Variants in NALF1 observed in about 807,000 individuals in gnomAD.
The protein encoded by NALF1 is family with sequence similarity 155 member A.
A neutral mutation model predicts 48.4 loss-of-function variants in NALF1; 3 were observed. The ratio of observed to expected loss-of-function variants is 0.06; its 90% CI spans 0.03 to 0.16. The LOEUF (loss-of-function observed/expected upper bound fraction) is 0.16. Among genes scored for constraint, NALF1 ranks in the 10% least tolerant of loss-of-function variants. NALF1 has a pLI of 1.00. For missense variants in NALF1, 526 were observed against 571.5 expected, an observed-to-expected ratio of 0.92 and a Z score of 0.81; for synonymous variants, 262 against 245.7, an observed-to-expected ratio of 1.07 and a Z score of -0.62.
intron 1 of NALF1, among the ~76,000 whole-genome samples, chr13:107,319,933 C>A: frequency 6.6e-6 from 1 of 152,064 alleles, no homozygotes; most frequent in East Asian, 1.9e-4. Flanking sequence ...ATGGAATGAC[C>A]ACAAGGCCAA....
intron 1 of NALF1, among the ~76,000 whole-genome samples, chr13:107,658,647 T>A (rs984946310): frequency 1.3e-5 from 2 of 152,210 alleles, no homozygotes; most frequent in East Asian, 3.9e-4. Flanking sequence ...AAAACTCAAA[T>A]CCCAAATTTT....
intron 1 of NALF1, among the ~76,000 whole-genome samples, chr13:107,858,825 T>C (rs917129572): frequency 6.6e-5 from 10 of 152,340 alleles, no homozygotes; most frequent in African/African-American, 2.2e-4. Context: ...ATTAGAATAG[T>C]TTCTGACATC....
intron 2 of NALF1, among the ~76,000 whole-genome samples, chr13:107,171,356 T>C (rs950661350): frequency 6.6e-5 from 10 of 152,212 alleles, no homozygotes; most frequent in Non-Finnish European, 1.5e-4. Context: ...ACATTTCTCT[T>C]ATTTTTCTCC....
chr13:107,433,773 G>A (rs1457613981), intron 1 of NALF1, among the ~76,000 whole-genome samples: 1 of 151,982 alleles, frequency 6.6e-6, no homozygotes, highest in Non-Finnish European at 1.5e-5. Context: ...GATTTCCCTA[G>A]AGATCATTTT....
intron 1 of NALF1, among the ~76,000 whole-genome samples, chr13:107,862,551 G>A (rs990522369): frequency 1.1e-4 from 16 of 151,742 alleles, no homozygotes; most frequent in African/African-American, 1.7e-4. Flanking sequence ...TCAACATCTC[G>A]TGTTCTTTAT....
chr13:107,796,157 A>C (rs956746236), intron 1 of NALF1, among the ~76,000 whole-genome samples: 1 of 152,032 alleles, frequency 6.6e-6, no homozygotes, highest in African/African-American at 2.4e-5. Flanking sequence ...ATCCCCCTTA[A>C]ATATATTTCC....
chr13:107,497,833 T>A (rs760771213), intron 1 of NALF1, among the ~76,000 whole-genome samples: 2 of 152,166 alleles, frequency 1.3e-5, no homozygotes, highest in African/African-American at 2.4e-5. Flanking sequence ...AATAACTAAA[T>A]ATGTTTTTGC....
intron 1 of NALF1, among the ~76,000 whole-genome samples, chr13:107,356,924 G>C (rs1280220804): frequency 6.6e-6 from 1 of 152,166 alleles, no homozygotes; most frequent in Non-Finnish European, 1.5e-5. Context: ...AAAGTTTACT[G>C]TTTCTGCTTT....
intron 1 of NALF1, among the ~76,000 whole-genome samples, chr13:107,391,579 T>TA (rs1883627784): frequency 6.6e-6 from 1 of 152,182 alleles, no homozygotes; most frequent in African/African-American, 2.4e-5. Flanking sequence ...AAGAAACACT[T>TA]ACAACCCTCT....
intron 1 of NALF1, among the ~76,000 whole-genome samples, chr13:107,608,227 T>C (rs1436876874): frequency 6.6e-6 from 1 of 152,154 alleles, no homozygotes; most frequent in East Asian, 1.9e-4. Flanking sequence ...ATCATGCCGT[T>C]GGGATCCAGA....
intron 1 of NALF1, among the ~76,000 whole-genome samples, chr13:107,863,325 C>A (rs1880627116): frequency 6.6e-6 from 1 of 152,014 alleles, no homozygotes; most frequent in Non-Finnish European, 1.5e-5. Context: ...TTTTCAGAAT[C>A]AAAGAGAAAA....
chr13:107,271,793 TA>T lies in NALF1; in HGVS notation c.916-61039del, dbSNP rs1393852291. On this transcript the variant is annotated intron_variant, in intron 1 of 2. Coordinates refer to ENST00000375915, the MANE Select transcript of NALF1 (RefSeq NM_001080396.3). The stretch of plus-strand genomic sequence containing the variant: ...ACTGGACTATATATATATATATATA[TA>T]TATATATATATATATATATATATTT... Among the ~76,000 whole-genome samples, 175 of 126,326 alleles carry T rather than the reference TA, an allele frequency of 1.4e-3. 3 individuals are homozygous for T. The highest frequency in any genetic ancestry group is 2.6e-3 in the Admixed American group (33 of 12,736). 82.9% of individuals were successfully genotyped at this position (126,326 alleles called of 152,430 possible). A position where few individuals can be genotyped will look rare whatever the true frequency, so the allele number is the denominator to read the frequency against.
rs186877286 is a variant in NALF1 at position 107,689,620 on chromosome 13, C to T, written c.915+176062G>A. Among the ~76,000 whole-genome samples the T allele has an allele frequency of 5.5e-3, 841 of 152,184 alleles. 4 individuals carry two copies. Among genetic ancestry groups the T allele is most frequent in the Middle Eastern group, 0.014 (4 of 294 alleles). ...ATTTTTAAAAACCAGACATCAGAGT[C>T]ATGGCAGATATTTTTGGAAAAAAAT... is the stretch of plus-strand genomic sequence containing the variant. On this transcript the variant is annotated intron_variant, in intron 1 of 2. Transcript: ENST00000375915.
intron 2 of NALF1, among the ~76,000 whole-genome samples, chr13:107,208,668 C>A (rs1879693345): frequency 6.6e-6 from 1 of 151,996 alleles, no homozygotes; most frequent in South Asian, 2.1e-4. Context: ...CGAATAGCTT[C>A]TCTGAAGTCC....
chr13:107,309,311 C>T (rs1881999784), intron 1 of NALF1, among the ~76,000 whole-genome samples: 1 of 152,210 alleles, frequency 6.6e-6, no homozygotes, highest in African/African-American at 2.4e-5. Context: ...TGATGTCATT[C>T]ATCTCTTCTG....
intron 1 of NALF1, among the ~76,000 whole-genome samples, chr13:107,847,118 C>T (rs1008650629): frequency 6.6e-6 from 1 of 151,986 alleles, no homozygotes; most frequent in African/African-American, 2.4e-5. Context: ...TTGAACATGA[C>T]CTTTTTTTAT....
At chr13:107,239,448 C>A (rs1880422427) in intron 1 of NALF1, among the ~76,000 whole-genome samples, 1 of 152,148 alleles carries the variant, frequency 6.6e-6, no homozygotes, top group African/African-American at 2.4e-5. Flanking sequence ...TATAAGGACA[C>A]CAGTCATATT....
intron 2 of NALF1, among the ~76,000 whole-genome samples, chr13:107,176,270 T>A (rs1384074784): frequency 6.6e-6 from 1 of 151,654 alleles, no homozygotes; most frequent in Non-Finnish European, 1.5e-5. Context: ...TTGAAATCTC[T>A]AGTGAATCAT....
intron 1 of NALF1, among the ~76,000 whole-genome samples, chr13:107,521,762 T>C (rs945972543): frequency 6.6e-6 from 1 of 152,138 alleles, no homozygotes; most frequent in African/African-American, 2.4e-5. Context: ...ATAAACTATA[T>C]ATACCTAGGA....
Sources: gnomAD v4.1 joint callset for allele counts (sites outside exome capture counted in the v4.1 genomes callset) on GRCh38, gnomAD v4.1.1 for gene constraint, MANE v1.5 for transcripts, NCBI Gene and HGNC (gene_info 2026-07-23, HGNC 2026-07-21) for gene names.